Variants in PPP1R12A observed in about 807,000 individuals in gnomAD.
PPP1R12A encodes the protein myosin binding subunit.
A neutral mutation model predicts 139.6 loss-of-function variants in PPP1R12A; 19 were observed. That is an observed-to-expected ratio of 0.14 (90% CI 0.09 to 0.20). PPP1R12A has a LOEUF of 0.20. Among genes scored for constraint, PPP1R12A ranks in the 10% least tolerant of loss-of-function variants. PPP1R12A has a pLI of 1.00. For synonymous variants in PPP1R12A, 427 were observed against 420.6 expected, an observed-to-expected ratio of 1.02 and a Z score of -0.19; for missense variants, 925 against 1,211.5, an observed-to-expected ratio of 0.76 and a Z score of 3.51.
At chr12:79,895,919 G>A (rs939134740) in intron 1 of PPP1R12A, among the ~76,000 whole-genome samples, 1 of 152,124 alleles carries the variant, frequency 6.6e-6, no homozygotes, top group African/African-American at 2.4e-5. Context: ...CAGAGATTAG[G>A]GAGTAGCCTA....
At chr12:79,904,548 T>C (rs77187899) in intron 1 of PPP1R12A, among the ~76,000 whole-genome samples, 6 of 152,154 alleles carry the variant, frequency 3.9e-5, no homozygotes, top group African/African-American at 1.4e-4. Flanking sequence ...CAGAATATTA[T>C]TATCATTTAA....
chr12:79,780,648 C>T (rs1235779318), intron 23 of PPP1R12A: 1 of 152,128 alleles, frequency 6.6e-6, no homozygotes, highest in Non-Finnish European at 1.5e-5. Flanking sequence ...CCATGCCTTT[C>T]ATCTCAACCG....
intron 2 of PPP1R12A, among the ~76,000 whole-genome samples, chr12:79,850,548 G>C (rs1037050890): frequency 2.6e-5 from 4 of 152,182 alleles, no homozygotes; most frequent in East Asian, 1.9e-4. Flanking sequence ...AGAACTTAGT[G>C]AAGAGAGACA....
At chr12:79,810,591 A>C (rs1874405040) in intron 9 of PPP1R12A, among the ~76,000 whole-genome samples, 1 of 152,208 alleles carries the variant, frequency 6.6e-6, no homozygotes. Flanking sequence ...ATGAACAAAA[A>C]ATATTTTCTT....
At chr12:79,878,936 C>G (rs1247289298) in intron 1 of PPP1R12A, among the ~76,000 whole-genome samples, 2 of 152,148 alleles carry the variant, frequency 1.3e-5, no homozygotes. Context: ...AAGAATGCAT[C>G]CTGAAGGTTA....
chr12:79,900,776 T>A (rs576000911), intron 1 of PPP1R12A, among the ~76,000 whole-genome samples: 1 of 152,250 alleles, frequency 6.6e-6, no homozygotes, highest in East Asian at 1.9e-4. Flanking sequence ...CAGCAATCAA[T>A]GACATGTCAT....
intron 1 of PPP1R12A, 98 bp from the exon 2 acceptor site, chr12:79,873,036 T>C (rs1347355211): frequency 8.9e-6 from 11 of 1,234,366 alleles, no homozygotes; most frequent in Non-Finnish European, 1.2e-5. Context: ...GCTTTTATAA[T>C]ATAAATATTC....
chr12:79,902,440 C>T (rs569773768), intron 1 of PPP1R12A, among the ~76,000 whole-genome samples: 1 of 152,056 alleles, frequency 6.6e-6, no homozygotes, highest in Admixed American at 6.6e-5. Flanking sequence ...AAATCTTTGA[C>T]ACCTCAAATT....
chr12:79,822,976 C>T (rs149212586), intron 5 of PPP1R12A, among the ~76,000 whole-genome samples: 1 of 152,144 alleles, frequency 6.6e-6, no homozygotes, highest in African/African-American at 2.4e-5. Context: ...CTTCCTAAAA[C>T]TTAATTAACT....
intron 22 of PPP1R12A, among the ~76,000 whole-genome samples, chr12:79,784,400 T>TTC (rs1870850003): frequency 6.6e-6 from 1 of 152,280 alleles, no homozygotes; most frequent in East Asian, 1.9e-4. Flanking sequence ...ACAGGCAACT[T>TTC]TCTGTCCAGT....
chr12:79,793,898 C>A lies in PPP1R12A; in HGVS notation c.2614G>T (p.Asp872Tyr). The change falls in exon 19 of 25, where the codon GAC (aspartate) becomes TAC (tyrosine). Residue 872 changes from aspartate (D) to tyrosine (Y), a missense_variant. Transcript: ENST00000450142. The part of the protein sequence containing the change: ...SDENEQEQQS[D>Y]TEEGSNKKET... ...TTCTTATTGGATCCCTCTTCTGTGT[C>A]TGATTGTTGTTCTTGTTCATTTTCA... 6.3e-7 allele frequency: 1 copy of A among 1,594,540 alleles called. No individual in the cohort carries two copies. Among genetic ancestry groups the A allele is most frequent in the South Asian group, 1.1e-5 (1 of 87,692 alleles).
intron 23 of PPP1R12A, chr12:79,780,405 AAGG>A (rs1870292338): frequency 6.6e-6 from 1 of 152,076 alleles, no homozygotes; most frequent in Admixed American, 6.6e-5. Context: ...CAAGCAGAAA[AAGG>A]AGGTTAGGTG....
chr12:79,836,305 G>T (rs887206439), intron 3 of PPP1R12A, among the ~76,000 whole-genome samples: 1 of 152,044 alleles, frequency 6.6e-6, no homozygotes, highest in Non-Finnish European at 1.5e-5. Flanking sequence ...ATTTATCTTA[G>T]ATTTGCTTTT....
intron 2 of PPP1R12A, among the ~76,000 whole-genome samples, chr12:79,865,131 G>A (rs540941125): frequency 1.3e-5 from 2 of 152,118 alleles, no homozygotes; most frequent in Non-Finnish European, 2.9e-5. Context: ...CGATCAAGTC[G>A]GCTTCAGCCC....
chr12:79,914,399 C>T (rs1886830204), intron 1 of PPP1R12A, among the ~76,000 whole-genome samples: 1 of 151,760 alleles, frequency 6.6e-6, no homozygotes, highest in African/African-American at 2.4e-5. Flanking sequence ...TTCATATTTA[C>T]CCAGTTTTAT....
intron 1 of PPP1R12A, among the ~76,000 whole-genome samples, chr12:79,903,181 G>A (rs1885797228): frequency 6.6e-6 from 1 of 152,122 alleles, no homozygotes; most frequent in Non-Finnish European, 1.5e-5. Flanking sequence ...GCCGGGCGTG[G>A]TGGCTCATGT....
intron 1 of PPP1R12A, among the ~76,000 whole-genome samples, chr12:79,887,344 C>T (rs1215326443): frequency 6.6e-6 from 1 of 152,060 alleles, no homozygotes; most frequent in African/African-American, 2.4e-5. Context: ...AGAATAGAAA[C>T]TGCCTTACAC....
chr12:79,925,261 CGT>C lies in PPP1R12A; in HGVS notation c.237+9432_237+9433del, dbSNP rs146017455. Among the ~76,000 whole-genome samples, 171 of 149,316 alleles carry C rather than the reference CGT, an allele frequency of 1.1e-3. 3 individuals are homozygous for C. Among genetic ancestry groups the C allele is most frequent in the Middle Eastern group, 3.4e-3 (1 of 292 alleles). The stretch of plus-strand genomic sequence containing the variant: ...AGTAAAGGTTGAGTGCATACGTGTA[CGT>C]GTGTGTGTGTGTGTGTGTAACAGTC... On this transcript the variant is annotated intron_variant, in intron 1 of 24. Coordinates refer to ENST00000450142, the MANE Select transcript of PPP1R12A (RefSeq NM_002480.3).
chr12:79,912,523 A>T (rs1244199218), intron 1 of PPP1R12A, among the ~76,000 whole-genome samples: 2 of 152,012 alleles, frequency 1.3e-5, no homozygotes, highest in Non-Finnish European at 2.9e-5. Flanking sequence ...GAGACCCCCA[A>T]CTACAAAAAA....
Sources: allele counts gnomAD v4.1 joint callset (sites outside exome capture counted in the v4.1 genomes callset), GRCh38; gene constraint gnomAD v4.1.1; transcripts MANE v1.5; gene names NCBI Gene and HGNC (gene_info 2026-07-23, HGNC 2026-07-21).